Variants in SLC36A1 observed in about 807,000 individuals in gnomAD.
SLC36A1 encodes the protein solute carrier family 36 member 1.
In SLC36A1, 30 loss-of-function variants were observed where a neutral mutation model predicts 47.5. The ratio of observed to expected loss-of-function variants is 0.63; its 90% CI spans 0.47 to 0.86. SLC36A1 has a LOEUF of 0.86. SLC36A1 is among the 40% of genes least tolerant of loss of function. The pLI, the probability that SLC36A1 is intolerant of heterozygous loss-of-function variation, is 0.00. For missense variants in SLC36A1, 517 were observed against 606.0 expected, an observed-to-expected ratio of 0.85 and a Z score of 1.54; for synonymous variants, 255 against 249.7, an observed-to-expected ratio of 1.02 and a Z score of -0.20.
chr5:151,451,147 C>G (rs1753596994), intron 1 of SLC36A1: 1 of 152,152 alleles, frequency 6.6e-6, no homozygotes, highest in Admixed American at 6.5e-5. Flanking sequence ...TCTTTTATCC[C>G]CCAAAATATT....
Position 151,473,691 on chromosome 5 carries a change from C to T in SLC36A1, c.742C>T (p.His248Tyr). Residue 248 changes from histidine (H) to tyrosine (Y), a missense_variant, in exon 8 of 11, where the codon CAC (histidine) becomes TAC (tyrosine). Physicochemically the swap from His to Tyr is moderately conservative, Grantham distance 83. Transcript: ENST00000243389. The part of the protein sequence containing the change: ...FIVQRIPDPS[H>Y]LPLVAPWKTY... Reference sequence around the variant, plus strand: ...CTTTCAGAGGATCCCAGACCCCAGCCACCTCCCCTTGGTGGCCCCTTGGAA... The same window carrying T: ...CTTTCAGAGGATCCCAGACCCCAGCTACCTCCCCTTGGTGGCCCCTTGGAA... The T allele has an allele frequency of 1.2e-6, 2 of 1,613,318 alleles. No homozygotes were observed. Among genetic ancestry groups the T allele is most frequent in the Non-Finnish European group, 1.7e-6 (2 of 1,179,324 alleles).
the SLC36A1 span, among the ~76,000 whole-genome samples, chr5:151,553,985 A>G: frequency 4.5e-3 from 688 of 152,320 alleles, 4 homozygotes; most frequent in Non-Finnish European, 7.0e-3. Flanking sequence ...GGCTTCTCAC[A>G]AGAAAGACGT....
At chr5:151,396,388 A>G in the SLC36A1 span, among the ~76,000 whole-genome samples, 1 of 152,280 alleles carries the variant, frequency 6.6e-6, no homozygotes, top group East Asian at 1.9e-4. Flanking sequence ...GGCATGAGCC[A>G]CCATGCCCGG....
At chr5:151,437,551 C>T (rs1342944267) in intron 1 of SLC36A1, among the ~76,000 whole-genome samples, 1 of 152,032 alleles carries the variant, frequency 6.6e-6, no homozygotes, top group Non-Finnish European at 1.5e-5. Flanking sequence ...TTTCTCTATA[C>T]AATATAGCTA....
the SLC36A1 span, among the ~76,000 whole-genome samples, chr5:151,379,984 A>G: frequency 0.011 from 1,590 of 144,520 alleles, 30 homozygotes; most frequent in African/African-American, 0.039. Flanking sequence ...CTAGAAAAAA[A>G]AATTAACTCA....
chr5:151,433,022 T>A (rs983258371), upstream of SLC36A1, among the ~76,000 whole-genome samples: 2 of 151,448 alleles, frequency 1.3e-5, no homozygotes, highest in South Asian at 4.2e-4. Flanking sequence ...TAAATATGTG[T>A]TATGTGAAGC....
At chr5:151,551,587 G>T in the SLC36A1 span, 10 of 1,614,210 alleles carry the variant, frequency 6.2e-6, no homozygotes, top group South Asian at 1.1e-5. Flanking sequence ...CAATGTCAAA[G>T]TCCATGTCCT....
At chr5:151,534,196 C>T in the SLC36A1 span, among the ~76,000 whole-genome samples, 15 of 152,118 alleles carry the variant, frequency 9.9e-5, no homozygotes, top group African/African-American at 2.7e-4. Context: ...GCTGAAATAC[C>T]TTTTTCCTGC....
chr5:151,467,287 G>A lies in SLC36A1; in HGVS notation c.504+4G>A, dbSNP rs749204779. The A allele has an allele frequency of 1.3e-6, 2 of 1,523,392 alleles. No homozygotes were observed. Among genetic ancestry groups the A allele is most frequent in the Non-Finnish European group, 1.8e-6 (2 of 1,126,072 alleles). The allele number at this position is 1,523,392 out of a possible 1,614,324, so 94.4% of individuals were successfully genotyped here. On this transcript the variant is annotated splice_donor_region_variant and intron_variant, in intron 6 of 10. Transcript: ENST00000243389. ...TCTGGCTGACAACTTTAAACAGGTA[G>A]GCACCTGGTTAAAAAAGAAAAAAAA...
the SLC36A1 span, chr5:151,553,419 T>G: frequency 1.9e-6 from 3 of 1,604,128 alleles, no homozygotes; most frequent in Non-Finnish European, 2.6e-6. Flanking sequence ...AACTGAGGTT[T>G]GGGGCCAAGA....
chr5:151,394,229 C>T, the SLC36A1 span, among the ~76,000 whole-genome samples: 1 of 152,218 alleles, frequency 6.6e-6, no homozygotes, highest in African/African-American at 2.4e-5. Flanking sequence ...TCACGTAGTT[C>T]TCATGCCATG....
At chr5:151,539,152 C>T in the SLC36A1 span, among the ~76,000 whole-genome samples, 1 of 152,016 alleles carries the variant, frequency 6.6e-6, no homozygotes, top group Non-Finnish European at 1.5e-5. Context: ...CCATTCTCCC[C>T]AAAAAAGCCT....
In SLC36A1 at chr5:151,465,108, G is replaced by C; in HGVS notation, c.358G>C (p.Val120Leu). 6.2e-7 allele frequency: 1 copy of C among 1,614,140 alleles called. No homozygotes were observed. The highest frequency in any genetic ancestry group is 1.1e-5 in the South Asian group (1 of 91,078). ...NKSFVDYGDT[V>L]MYGLESSPCS... ...ATCCTTTGTGGATTATGGTGATACT[G>C]TGATGTATGGACTAGAATCCAGCCC... The change falls in exon 5 of 11, where the codon GTG becomes CTG. Residue 120 changes from valine to leucine, a missense_variant. Physicochemically the swap from Val to Leu is conservative, Grantham distance 32 (BLOSUM62 1). Transcript: ENST00000243389.
intron 1 of SLC36A1, chr5:151,451,011 G>A (rs1753575777): frequency 1.3e-5 from 2 of 152,076 alleles, no homozygotes; most frequent in Admixed American, 6.6e-5. Context: ...TCTCTCCTTT[G>A]GCCAGGCCTT....
chr5:151,540,208 T>A, the SLC36A1 span, among the ~76,000 whole-genome samples: 1 of 152,184 alleles, frequency 6.6e-6, no homozygotes, highest in Non-Finnish European at 1.5e-5. Context: ...TTGAACAGCT[T>A]GGTATATCCC....
chr5:151,493,371 C>T (rs1412376475), downstream of SLC36A1, among the ~76,000 whole-genome samples: 3 of 152,258 alleles, frequency 2.0e-5, no homozygotes, highest in Non-Finnish European at 2.9e-5. Flanking sequence ...AGGGCTCAGT[C>T]CCCAAGAGTG....
At chr5:151,383,769 C>T in the SLC36A1 span, among the ~76,000 whole-genome samples, 2 of 152,032 alleles carry the variant, frequency 1.3e-5, no homozygotes, top group African/African-American at 4.8e-5. Flanking sequence ...GACGGGGTTT[C>T]ACCATGTTGG....
the SLC36A1 span, among the ~76,000 whole-genome samples, chr5:151,552,776 G>A: frequency 6.6e-6 from 1 of 152,222 alleles, no homozygotes; most frequent in Non-Finnish European, 1.5e-5. Context: ...GAAACCTGGA[G>A]CCAAAACATT....
chr5:151,447,351 T>C (rs1752988752), upstream of SLC36A1, among the ~76,000 whole-genome samples: 1 of 152,162 alleles, frequency 6.6e-6, no homozygotes, highest in Non-Finnish European at 1.5e-5. Context: ...AAATTAGCAA[T>C]ATTTCACAAA....
Sources: allele counts gnomAD v4.1 joint callset (sites outside exome capture counted in the v4.1 genomes callset), GRCh38; gene constraint gnomAD v4.1.1; transcripts MANE v1.5; gene names NCBI Gene and HGNC (gene_info 2026-07-23, HGNC 2026-07-21).